Variants in FMNL2 observed in about 807,000 individuals in gnomAD.
FMNL2 encodes formin like 2.
In FMNL2, 51 loss-of-function variants were observed where a neutral mutation model predicts 130.2. The observed-to-expected ratio is 0.39, with a 90% CI of 0.31 to 0.49. The LOEUF (loss-of-function observed/expected upper bound fraction) is 0.49, where lower values mean the gene tolerates loss of function less well. Ranked by LOEUF, FMNL2 falls within the 20% of genes least tolerant of loss-of-function variation. The probability of loss-of-function intolerance (pLI) is 0.85; values close to 1 mark genes in which losing one functional copy is unlikely to be tolerated. For synonymous variants in FMNL2, 465 were observed against 467.1 expected, an observed-to-expected ratio of 1.00 and a Z score of 0.06; for missense variants, 977 against 1,316.2, an observed-to-expected ratio of 0.74 and a Z score of 3.99.
intron 15 of FMNL2, among the ~76,000 whole-genome samples, chr2:152,623,301 C>G (rs1002023142): frequency 6.6e-6 from 1 of 152,180 alleles, no homozygotes; most frequent in Non-Finnish European, 1.5e-5. Flanking sequence ...AGAGGCAATG[C>G]TAGGGCAAGT....
chr2:152,384,897 A>G (rs1684696605), intron 1 of FMNL2, among the ~76,000 whole-genome samples: 1 of 152,230 alleles, frequency 6.6e-6, no homozygotes, highest in Non-Finnish European at 1.5e-5. Flanking sequence ...CTTCAATGAC[A>G]CTTTGTCTCC....
At chr2:152,625,597 C>T (rs377272131) in intron 16 of FMNL2, 35 bp downstream of exon 16, 5 of 1,580,720 alleles carry the variant, frequency 3.2e-6, no homozygotes, top group Non-Finnish European at 4.3e-6. Context: ...TAGAGGTGCA[C>T]TCTGTGCAGC....
chr2:152,439,626 C>T (rs1436558306), intron 1 of FMNL2, among the ~76,000 whole-genome samples: 5 of 151,910 alleles, frequency 3.3e-5, no homozygotes, highest in African/African-American at 1.2e-4. Context: ...AAATGAATAT[C>T]TGTGTAATGT....
intron 25 of FMNL2, among the ~76,000 whole-genome samples, chr2:152,646,195 T>G (rs921907397): frequency 6.7e-6 from 1 of 149,248 alleles, no homozygotes; most frequent in Non-Finnish European, 1.5e-5. Flanking sequence ...TAGCCAGGCA[T>G]GGTGGCAAAT....
intron 18 of FMNL2, among the ~76,000 whole-genome samples, chr2:152,629,371 T>C (rs1682012757): frequency 6.6e-6 from 1 of 152,216 alleles, no homozygotes; most frequent in East Asian, 1.9e-4. Context: ...CTCTTAACTC[T>C]GAGTCTTAGT....
chr2:152,368,138 A>ATTT (rs1683667872), intron 1 of FMNL2, among the ~76,000 whole-genome samples: 1 of 152,176 alleles, frequency 6.6e-6, no homozygotes, highest in Non-Finnish European at 1.5e-5. Context: ...AGAAGTGATG[A>ATTT]GAAACATCTG....
intron 15 of FMNL2, chr2:152,622,659 C>T: frequency 2.2e-6 from 1 of 453,620 alleles, no homozygotes; most frequent in Admixed American, 2.4e-5. Context: ...TGATCCATTG[C>T]ATTTTGACTT....
chr2:152,366,100 G>A (rs1683518035), intron 1 of FMNL2, among the ~76,000 whole-genome samples: 1 of 152,098 alleles, frequency 6.6e-6, no homozygotes, highest in Non-Finnish European at 1.5e-5. Context: ...TAACCTCCAT[G>A]TTTACTAGAG....
At chr2:152,480,435 G>C (rs1690438043) in intron 1 of FMNL2, among the ~76,000 whole-genome samples, 1 of 151,930 alleles carries the variant, frequency 6.6e-6, no homozygotes, top group Admixed American at 6.6e-5. Context: ...TCCAGAACCA[G>C]CCTGGCCGAC....
intron 2 of FMNL2, among the ~76,000 whole-genome samples, chr2:152,533,044 T>A (rs1693795298): frequency 6.6e-6 from 1 of 152,254 alleles, no homozygotes; most frequent in South Asian, 2.1e-4. Context: ...TTTTTAGTAT[T>A]TATAATAGTA....
chr2:152,586,681 G>T (rs1361014125), intron 9 of FMNL2, among the ~76,000 whole-genome samples: 2 of 152,168 alleles, frequency 1.3e-5, no homozygotes, highest in Non-Finnish European at 2.9e-5. Context: ...GTATTTCATG[G>T]TATCAGGCCA....
In FMNL2 at chr2:152,411,300, T is replaced by TG. The variant is rs538563698; in HGVS notation, c.117+75585dup. On this transcript the variant is annotated intron_variant, in intron 1 of 25. Coordinates refer to ENST00000288670, the MANE Select transcript of FMNL2 (RefSeq NM_052905.4). ...CAGCAGGCATAATTGGTTGTGTATTTGGGGGTGTGTGTGTCAGTGAAGTGG... is the reference window on the plus strand; with the variant it reads ...CAGCAGGCATAATTGGTTGTGTATTTGGGGGGTGTGTGTGTCAGTGAAGTGG... Among the ~76,000 whole-genome samples the TG allele has an allele frequency of 2.2e-3, 329 of 152,180 alleles. 1 individual carries two copies. Among genetic ancestry groups the TG allele is most frequent in the African/African-American group, 7.7e-3 (320 of 41,512 alleles).
intron 1 of FMNL2, among the ~76,000 whole-genome samples, chr2:152,348,463 G>T (rs1179415464): frequency 1.3e-5 from 2 of 152,204 alleles, no homozygotes; most frequent in African/African-American, 2.4e-5. Context: ...AGAGGACTGG[G>T]AATTGGAGTG....
intron 23 of FMNL2, among the ~76,000 whole-genome samples, chr2:152,638,614 G>A (rs1243049665): frequency 2.0e-5 from 3 of 152,196 alleles, no homozygotes; most frequent in Non-Finnish European, 4.4e-5. Flanking sequence ...TAGCAGTAGA[G>A]CTATAAGCTG....
intron 4 of FMNL2, among the ~76,000 whole-genome samples, chr2:152,558,445 C>A (rs1579958517): frequency 6.6e-6 from 1 of 152,302 alleles, no homozygotes; most frequent in East Asian, 1.9e-4. Context: ...AAGCAAGTGC[C>A]TTCTTTAAAG....
chr2:152,448,970 C>T (rs895948840), intron 1 of FMNL2, among the ~76,000 whole-genome samples: 8 of 152,202 alleles, frequency 5.3e-5, no homozygotes, highest in African/African-American at 1.4e-4. Context: ...ACCAAAAGAC[C>T]TGTGCCTGGC....
At chr2:152,531,079 T>C (rs1361483046) in intron 2 of FMNL2, among the ~76,000 whole-genome samples, 1 of 152,188 alleles carries the variant, frequency 6.6e-6, no homozygotes, top group Non-Finnish European at 1.5e-5. Flanking sequence ...TATACAGATG[T>C]TTCTTACCGG....
chr2:152,550,085 T>C (rs1272145397), intron 4 of FMNL2, among the ~76,000 whole-genome samples: 2 of 152,192 alleles, frequency 1.3e-5, no homozygotes, highest in Non-Finnish European at 2.9e-5. Flanking sequence ...AGTGAAATAA[T>C]GTTGTTATAA....
chr2:152,642,200 A>G (rs1471197360), intron 25 of FMNL2, among the ~76,000 whole-genome samples: 1 of 152,294 alleles, frequency 6.6e-6, no homozygotes, highest in South Asian at 2.1e-4. Flanking sequence ...TCGGCCACCC[A>G]AAGTGCTGGG....
Sources: gnomAD v4.1 joint callset for allele counts (sites outside exome capture counted in the v4.1 genomes callset) on GRCh38, gnomAD v4.1.1 for gene constraint, MANE v1.5 for transcripts, NCBI Gene and HGNC (gene_info 2026-07-23, HGNC 2026-07-21) for gene names.